ZDHHC14: variants seen among roughly 807,000 people sequenced by gnomAD.
ZDHHC14 encodes zDHHC palmitoyltransferase 14.
A neutral mutation model predicts 47.7 loss-of-function variants in ZDHHC14; 16 were observed. The observed-to-expected ratio is 0.34, with a 90% confidence interval of 0.23 to 0.51. The LOEUF (loss-of-function observed/expected upper bound fraction) is 0.51. Among genes scored for constraint, ZDHHC14 ranks in the 20% least tolerant of loss-of-function variants. ZDHHC14 has a pLI of 0.97. For synonymous variants in ZDHHC14, 293 were observed against 278.9 expected, an observed-to-expected ratio of 1.05 and a Z score of -0.50; for missense variants, 515 against 662.5, an observed-to-expected ratio of 0.78 and a Z score of 2.44.
Position 157,388,550 on chromosome 6 carries a change from T to A in ZDHHC14, c.245+6284T>A, listed in dbSNP as rs1449918611. ...AAAAACAGTGGTGATCAATAGATAC[T>A]TAATTAGTTACATCCAGGAATTTGG... On this transcript the variant is annotated intron_variant, in intron 1 of 8. Transcript: ENST00000359775. Among the ~76,000 whole-genome samples the A allele has an allele frequency of 3.3e-5, 5 of 152,236 alleles. No homozygotes were observed. The East Asian group carries it at 9.6e-4, about 29-fold the overall frequency.
chr6:157,423,840 A>G (rs1199120253), intron 1 of ZDHHC14, among the ~76,000 whole-genome samples: 1 of 152,110 alleles, frequency 6.6e-6, no homozygotes, highest in East Asian at 1.9e-4. Flanking sequence ...CTCATTGGAA[A>G]AGCAGAATCT....
chr6:157,607,307 C>G (rs1339804238), intron 3 of ZDHHC14, among the ~76,000 whole-genome samples: 1 of 152,120 alleles, frequency 6.6e-6, no homozygotes. Flanking sequence ...CTCCACCCAA[C>G]CAAGGAAGGG....
rs1323713416 is a variant in ZDHHC14 at position 157,625,314 on chromosome 6, TAG to T, written c.566-3030_566-3029del. Reference sequence around the variant, plus strand: ...GTTCTGAGTTGAGCAACTGGTCAGATAGAGAGTCTGAAGAGGCACGTGTTTGG... The same window carrying T: ...GTTCTGAGTTGAGCAACTGGTCAGATAGAGTCTGAAGAGGCACGTGTTTGG... On this transcript the variant is annotated intron_variant, in intron 3 of 8. Transcript: ENST00000359775. Among the ~76,000 whole-genome samples the T allele has an allele frequency of 2.0e-5, 3 of 151,968 alleles. No homozygotes were observed. The East Asian group carries it at 5.8e-4, about 29-fold the overall frequency.
chr6:157,540,251 G>A (rs1269727511), intron 1 of ZDHHC14, among the ~76,000 whole-genome samples: 6 of 152,180 alleles, frequency 3.9e-5, no homozygotes, highest in African/African-American at 9.7e-5. Context: ...ATGAGAGGCC[G>A]CAGAGGCATC....
chr6:157,538,993 C>A (rs779863201), intron 1 of ZDHHC14, among the ~76,000 whole-genome samples: 1 of 151,944 alleles, frequency 6.6e-6, no homozygotes, highest in Non-Finnish European at 1.5e-5. Flanking sequence ...ATAAGGAGCT[C>A]GAGCTTCATT....
intron 1 of ZDHHC14, among the ~76,000 whole-genome samples, chr6:157,392,332 G>T (rs945378355): frequency 6.6e-6 from 1 of 152,094 alleles, no homozygotes; most frequent in African/African-American, 2.4e-5. Context: ...ATTTGATGCT[G>T]ATTTTTCTTG....
chr6:157,436,905 C>G (rs1196070920), intron 1 of ZDHHC14, among the ~76,000 whole-genome samples: 1 of 152,008 alleles, frequency 6.6e-6, no homozygotes, highest in Admixed American at 6.6e-5. Context: ...GAGCTGTCTG[C>G]AGGGAGTACA....
At chr6:157,478,613 T>A (rs644283) in intron 1 of ZDHHC14, among the ~76,000 whole-genome samples, 4 of 151,950 alleles carry the variant, frequency 2.6e-5, no homozygotes, top group Non-Finnish European at 5.9e-5. Flanking sequence ...CCTTTACGAT[T>A]TCTAGAGGGG....
At chr6:157,620,943 G>T (rs1351861948) in intron 3 of ZDHHC14, among the ~76,000 whole-genome samples, 4 of 152,190 alleles carry the variant, frequency 2.6e-5, no homozygotes, top group African/African-American at 7.2e-5. Flanking sequence ...GGTTTCATGA[G>T]AATTAAATGA....
intron 3 of ZDHHC14, among the ~76,000 whole-genome samples, chr6:157,613,643 G>A (rs1182050662): frequency 2.0e-5 from 3 of 152,116 alleles, no homozygotes; most frequent in Non-Finnish European, 2.9e-5. Flanking sequence ...TTAAATTCTG[G>A]TTGAAATAAA....
chr6:157,504,798 T>C (rs547800009), intron 1 of ZDHHC14, among the ~76,000 whole-genome samples: 116 of 151,886 alleles, frequency 7.6e-4, no homozygotes, highest in African/African-American at 2.7e-3. Flanking sequence ...TTGTTTTGTT[T>C]TGTTTTGTTT....
At chr6:157,632,565 A>G (rs140735861) in intron 4 of ZDHHC14, 16 of 509,616 alleles carry the variant, frequency 3.1e-5, no homozygotes, top group African/African-American at 2.8e-4. Context: ...CATCAGAACT[A>G]TAATTTACGG....
chr6:157,417,314 A>C (rs145413891), intron 1 of ZDHHC14, among the ~76,000 whole-genome samples: 75 of 152,308 alleles, frequency 4.9e-4, no homozygotes, highest in Non-Finnish European at 9.3e-4. Flanking sequence ...CAAGATGTGG[A>C]TAAAAGCATG....
At chr6:157,485,053 C>T (rs536636066) in intron 1 of ZDHHC14, among the ~76,000 whole-genome samples, 11 of 151,946 alleles carry the variant, frequency 7.2e-5, no homozygotes, top group Middle Eastern at 3.2e-3. Context: ...GACGAGATCG[C>T]GCCACCGCAC....
chr6:157,513,824 T>C (rs1780583593), intron 1 of ZDHHC14, among the ~76,000 whole-genome samples: 1 of 152,188 alleles, frequency 6.6e-6, no homozygotes, highest in African/African-American at 2.4e-5. Context: ...TTCCGGACTC[T>C]GAAGATGAGG....
At chr6:157,430,377 A>G (rs1230541215) in intron 1 of ZDHHC14, among the ~76,000 whole-genome samples, 1 of 151,992 alleles carries the variant, frequency 6.6e-6, no homozygotes, top group African/African-American at 2.4e-5. Flanking sequence ...GAAGTCCAAA[A>G]TGAATCTCTT....
intron 1 of ZDHHC14, among the ~76,000 whole-genome samples, chr6:157,532,332 G>A (rs1199068022): frequency 6.6e-6 from 1 of 152,254 alleles, no homozygotes; most frequent in Admixed American, 6.5e-5. Flanking sequence ...TTGCCAAACA[G>A]TGCTCACTGA....
At chr6:157,474,998 A>C (rs367918460) in intron 1 of ZDHHC14, among the ~76,000 whole-genome samples, 5 of 152,104 alleles carry the variant, frequency 3.3e-5, no homozygotes, top group South Asian at 2.1e-4. Context: ...TGGAGCTTTT[A>C]CCCTTGTTTT....
At chr6:157,491,927 T>C (rs780525090) in intron 1 of ZDHHC14, among the ~76,000 whole-genome samples, 1 of 152,230 alleles carries the variant, frequency 6.6e-6, no homozygotes, top group Non-Finnish European at 1.5e-5. Flanking sequence ...GGATTTGCCA[T>C]TTTCAGAAGC....
Sources: allele counts gnomAD v4.1 joint callset (sites outside exome capture counted in the v4.1 genomes callset), GRCh38; gene constraint gnomAD v4.1.1; transcripts MANE v1.5; gene names NCBI Gene and HGNC (gene_info 2026-07-23, HGNC 2026-07-21).